Variants in NAALADL2 observed in about 807,000 individuals in gnomAD.
NAALADL2 encodes the protein inactive N-acetylated-alpha-linked acidic dipeptidase-like protein 2.
A neutral mutation model predicts 87.2 loss-of-function variants in NAALADL2; 76 were observed. The ratio of observed to expected loss-of-function variants is 0.87; its 90% CI spans 0.72 to 1.05. NAALADL2 has a LOEUF of 1.05. NAALADL2 is among the 50% of genes least tolerant of loss of function. The probability of loss-of-function intolerance (pLI) is 0.00; values close to 1 mark genes in which losing one functional copy is unlikely to be tolerated. For synonymous variants in NAALADL2, 354 were observed against 331.0 expected, an observed-to-expected ratio of 1.07 and a Z score of -0.75; for missense variants, 1,089 against 945.8, an observed-to-expected ratio of 1.15 and a Z score of -1.99.
chr3:174,581,317 A>C (rs531845487), intron 2 of NAALADL2, among the ~76,000 whole-genome samples: 6 of 152,080 alleles, frequency 3.9e-5, no homozygotes, highest in African/African-American at 1.4e-4. Flanking sequence ...AAGTATATGC[A>C]AAACATGAAA....
chr3:175,703,672 G>A lies in NAALADL2; in HGVS notation c.1897-33634G>A, dbSNP rs982688301. 7.9e-5 allele frequency among the ~76,000 whole-genome samples: 12 copies of A among 152,090 alleles called. 1 individual carries two copies. Among genetic ancestry groups the A allele is most frequent in the African/African-American group, 2.9e-4 (12 of 41,404 alleles). On this transcript the variant is annotated intron_variant, in intron 11 of 13. Transcript: ENST00000454872. ...GCAGGAGAATCGCTTGAACCTGGGA[G>A]GCAGAGGTTGCAGTGAGCTGAGATC...
At position 174,859,368 on chromosome 3, in the gene NAALADL2, A is replaced by T; in HGVS notation, c.-40A>T. On this transcript the variant is annotated 5_prime_UTR_variant, in exon 1 of 14. Transcript: ENST00000454872. ...CAAAGCTTGCAGGGTAAGTGACACA[A>T]CTTGAAACTGCTTGGCCCTCTTTAA... 1.3e-6 allele frequency: 2 copies of T among 1,540,468 alleles called. No individual in the cohort carries two copies. Among genetic ancestry groups the T allele is most frequent in the Non-Finnish European group, 1.8e-6 (2 of 1,121,580 alleles).
Position 175,222,674 on chromosome 3 carries a change from T to C in NAALADL2, c.546-11257T>C, listed in dbSNP as rs1743558412. Among the ~76,000 whole-genome samples, 3 of 152,286 alleles carry C rather than the reference T, an allele frequency of 2.0e-5. No individual in the cohort carries two copies. In the South Asian group the frequency reaches 6.2e-4, roughly 32 times the overall value. ...GACTCCTTTACATGCTTACATACTA[T>C]TGAGATCTTCAAACTGCTTATGTTT... On this transcript the variant is annotated intron_variant, in intron 2 of 13. Transcript: ENST00000454872.
At chr3:174,756,733 A>C (rs991092598) in intron 3 of NAALADL2, among the ~76,000 whole-genome samples, 3 of 152,326 alleles carry the variant, frequency 2.0e-5, no homozygotes, top group Admixed American at 2.0e-4. Flanking sequence ...CACAGTAAAG[A>C]TCTGCAGCAC....
intron 1 of NAALADL2, among the ~76,000 whole-genome samples, chr3:175,008,903 G>T (rs1418817814): frequency 6.6e-6 from 1 of 152,084 alleles, no homozygotes; most frequent in Admixed American, 6.6e-5. Flanking sequence ...AGGAAAGGTT[G>T]TTTTGTTTTA....
At chr3:175,282,047 T>G (rs1336629531) in intron 4 of NAALADL2, among the ~76,000 whole-genome samples, 1 of 152,032 alleles carries the variant, frequency 6.6e-6, no homozygotes, top group Non-Finnish European at 1.5e-5. Context: ...TCACCAAAAT[T>G]AAGGAATGAT....
intron 2 of NAALADL2, among the ~76,000 whole-genome samples, chr3:175,187,672 C>T (rs1198270626): frequency 2.0e-5 from 3 of 151,678 alleles, no homozygotes; most frequent in Non-Finnish European, 4.4e-5. Flanking sequence ...TTTAAATATG[C>T]TAGGCAAGTA....
At chr3:175,230,265 T>TC (rs1187998385) in intron 2 of NAALADL2, among the ~76,000 whole-genome samples, 4 of 152,086 alleles carry the variant, frequency 2.6e-5, no homozygotes, top group Non-Finnish European at 5.9e-5. Context: ...ATTGAGGATT[T>TC]CTTAAGCACA....
chr3:174,774,954 G>A (rs984569759), intron 3 of NAALADL2, among the ~76,000 whole-genome samples: 9 of 151,986 alleles, frequency 5.9e-5, no homozygotes, highest in Admixed American at 5.2e-4. Context: ...TCTCACAAAC[G>A]GAAAAGTTAG....
rs965778443 is a variant in NAALADL2 at position 175,460,457 on chromosome 3, G to T, written c.1235-2944G>T. On this transcript the variant is annotated intron_variant, in intron 6 of 13. Transcript: ENST00000454872. ...AGGAAGTCCTTCTGTCAGTTGGAAGGATCCAATGTAAATATAGCATTCTTC... is the reference window on the plus strand; with the variant it reads ...AGGAAGTCCTTCTGTCAGTTGGAAGTATCCAATGTAAATATAGCATTCTTC... 2.0e-4 allele frequency among the ~76,000 whole-genome samples: 31 copies of T among 152,228 alleles called. 3 individuals are homozygous for T. The highest frequency in any genetic ancestry group is 1.4e-3 in the Admixed American group (21 of 15,290).
intron 1 of NAALADL2, among the ~76,000 whole-genome samples, chr3:174,450,327 G>C (rs909595654): frequency 1.2e-4 from 18 of 152,196 alleles, no homozygotes; most frequent in Non-Finnish European, 2.4e-4. Context: ...ACTAAAATTA[G>C]GGGTTTATAT....
intron 2 of NAALADL2, among the ~76,000 whole-genome samples, chr3:174,735,002 A>G (rs2108993441): frequency 6.6e-6 from 1 of 152,302 alleles, no homozygotes; most frequent in South Asian, 2.1e-4. Context: ...CTACAAGTTA[A>G]TCTCGATAGA....
chr3:174,764,602 C>T (rs539521731), intron 3 of NAALADL2, among the ~76,000 whole-genome samples: 4 of 152,174 alleles, frequency 2.6e-5, no homozygotes, highest in Admixed American at 1.3e-4. Context: ...GAGCGACACT[C>T]TGTCTCAAAA....
At chr3:175,613,346 G>A (rs1250446363) in intron 10 of NAALADL2, among the ~76,000 whole-genome samples, 3 of 152,152 alleles carry the variant, frequency 2.0e-5, no homozygotes, top group East Asian at 3.8e-4. Context: ...ATTTTCATAT[G>A]TTCTGTCTTA....
Position 174,445,758 on chromosome 3 carries a change from T to C in NAALADL2, c.-184+4726T>C, listed in dbSNP as rs1014674680. Among the ~76,000 whole-genome samples the C allele has an allele frequency of 3.3e-5, 5 of 152,128 alleles. No individual in the cohort carries two copies. In the South Asian group the frequency reaches 6.2e-4, roughly 19 times the overall value. Reference sequence around the variant, plus strand: ...AGTAAAATATATGACCTTATGTTTGTGTGTTTTCTATTTGTGTAACAGAAT... The same window carrying C: ...AGTAAAATATATGACCTTATGTTTGCGTGTTTTCTATTTGTGTAACAGAAT... On this transcript the variant is annotated intron_variant, in intron 1 of 3. Transcript: ENST00000434257.
intron 2 of NAALADL2, among the ~76,000 whole-genome samples, chr3:174,609,604 C>A (rs573352638): frequency 1.3e-5 from 2 of 152,248 alleles, no homozygotes; most frequent in Non-Finnish European, 2.9e-5. Flanking sequence ...ATGCAACTTA[C>A]AAGGGACATG....
chr3:175,644,259 T>A (rs763827868), intron 11 of NAALADL2, among the ~76,000 whole-genome samples: 21 of 152,198 alleles, frequency 1.4e-4, no homozygotes, highest in Non-Finnish European at 2.9e-4. Flanking sequence ...ACTTGTTGAA[T>A]TATATTTTTA....
intron 3 of NAALADL2, among the ~76,000 whole-genome samples, chr3:174,776,295 C>T (rs1017004694): frequency 1.3e-5 from 2 of 152,036 alleles, no homozygotes; most frequent in South Asian, 2.1e-4. Flanking sequence ...TGAGTGACTT[C>T]GCAAAGTGTA....
At chr3:175,675,424 C>T (rs1256831387) in intron 11 of NAALADL2, 2 of 152,172 alleles carry the variant, frequency 1.3e-5, no homozygotes, top group Non-Finnish European at 2.9e-5. Context: ...ATGACTGAAC[C>T]TCTGTCCTTG....
Sources: gnomAD v4.1 joint callset for allele counts (sites outside exome capture counted in the v4.1 genomes callset) on GRCh38, gnomAD v4.1.1 for gene constraint, MANE v1.5 for transcripts, NCBI Gene and HGNC (gene_info 2026-07-23, HGNC 2026-07-21) for gene names.